Variants in ASIC2 observed in about 807,000 individuals in gnomAD.
ASIC2 encodes acid-sensing ion channel 2.
In ASIC2, 25 loss-of-function variants were observed where a neutral mutation model predicts 57.3. The observed-to-expected ratio is 0.44, with a 90% CI of 0.32 to 0.61. The LOEUF (loss-of-function observed/expected upper bound fraction) is 0.61. Among genes scored for constraint, ASIC2 ranks in the 20% least tolerant of loss-of-function variants. ASIC2 has a pLI of 0.06. For missense variants in ASIC2, 641 were observed against 738.1 expected (o/e 0.87, Z 1.52); for synonymous variants, 319 against 307.5 (o/e 1.04, Z -0.39).
intron 1 of ASIC2, among the ~76,000 whole-genome samples, chr17:33,259,631 G>A (rs182049632): frequency 1.3e-5 from 2 of 152,244 alleles, no homozygotes; most frequent in East Asian, 3.9e-4. Context: ...AGAGGAGAGA[G>A]TGACAGCCTG....
Position 33,122,411 on chromosome 17 carries a change from A to G in ASIC2, c.709-10344T>C, listed in dbSNP as rs528173886. The stretch of plus-strand genomic sequence containing the variant: ...ACTCACTTGATAAAACTAGCTAATA[A>G]TATTATTATTAATAGGGATTCTGCA... On this transcript the variant is annotated intron_variant, in intron 1 of 9. Transcript: ENST00000225823. Among the ~76,000 whole-genome samples, 4 of 152,236 alleles carry G rather than the reference A, an allele frequency of 2.6e-5. No homozygotes were observed. The East Asian group carries it at 5.8e-4, about 22-fold the overall frequency.
intron 1 of ASIC2, among the ~76,000 whole-genome samples, chr17:34,112,322 A>T (rs1911300940): frequency 6.6e-6 from 1 of 152,178 alleles, no homozygotes; most frequent in African/African-American, 2.4e-5. Context: ...TACTGAACTC[A>T]TCATAATAAA....
intron 1 of ASIC2, among the ~76,000 whole-genome samples, chr17:33,186,742 C>T (rs1906213104): frequency 6.6e-6 from 1 of 152,156 alleles, no homozygotes; most frequent in Non-Finnish European, 1.5e-5. Context: ...TACAACTACA[C>T]AAGAAGTTGC....
At chr17:33,083,294 G>T (rs2092120611) in intron 3 of ASIC2, among the ~76,000 whole-genome samples, 1 of 152,098 alleles carries the variant, frequency 6.6e-6, no homozygotes, top group African/African-American at 2.4e-5. Context: ...GCAAAAGAAG[G>T]CAGTTCTGGA....
chr17:33,045,326 G>C (rs1028467416), intron 3 of ASIC2, among the ~76,000 whole-genome samples: 1 of 152,180 alleles, frequency 6.6e-6, no homozygotes, highest in Admixed American at 6.5e-5. Context: ...GCATGCCGAC[G>C]CACCATTATA....
chr17:33,830,197 T>C (rs968546880), intron 1 of ASIC2, among the ~76,000 whole-genome samples: 2 of 152,156 alleles, frequency 1.3e-5, no homozygotes, highest in African/African-American at 4.8e-5. Context: ...TACAGCACAA[T>C]GGTTTGTCCA....
At chr17:33,276,513 A>G (rs950939630) in intron 1 of ASIC2, among the ~76,000 whole-genome samples, 1 of 152,250 alleles carries the variant, frequency 6.6e-6, no homozygotes, top group Admixed American at 6.5e-5. Flanking sequence ...TGATCAAGCC[A>G]GAGGCTCTCC....
chr17:33,985,466 C>T (rs1249841598), intron 1 of ASIC2, among the ~76,000 whole-genome samples: 1 of 152,142 alleles, frequency 6.6e-6, no homozygotes, highest in East Asian at 1.9e-4. Flanking sequence ...TGCAACCGGT[C>T]TACAGGCCAT....
At chr17:33,958,246 C>A (rs1237545199) in intron 1 of ASIC2, among the ~76,000 whole-genome samples, 2 of 152,170 alleles carry the variant, frequency 1.3e-5, no homozygotes, top group Non-Finnish European at 2.9e-5. Context: ...GTGGATCGAC[C>A]ATTCTGGAGG....
chr17:33,933,814 C>A (rs907604783), intron 1 of ASIC2, among the ~76,000 whole-genome samples: 2 of 152,330 alleles, frequency 1.3e-5, no homozygotes, highest in Admixed American at 1.3e-4. Context: ...TGGGGCCAAC[C>A]TAGACAGGCT....
intron 1 of ASIC2, among the ~76,000 whole-genome samples, chr17:33,166,509 C>A (rs928056619): frequency 2.6e-5 from 4 of 152,184 alleles, no homozygotes; most frequent in African/African-American, 9.7e-5. Context: ...TTTGGTCCCA[C>A]CTTGTTTCTG....
intron 1 of ASIC2, among the ~76,000 whole-genome samples, chr17:33,232,177 A>C (rs777555245): frequency 6.6e-6 from 1 of 152,118 alleles, no homozygotes; most frequent in Non-Finnish European, 1.5e-5. Flanking sequence ...TCGTGATAGG[A>C]TTAGTTTCTT....
intron 1 of ASIC2, chr17:34,038,200 G>C (rs1014893577): frequency 1.2e-6 from 2 of 1,612,192 alleles, no homozygotes; most frequent in East Asian, 2.2e-5. Flanking sequence ...TTTCATTTAA[G>C]TACTTTAAAG....
At chr17:33,504,135 A>C (rs1164236469) in intron 1 of ASIC2, among the ~76,000 whole-genome samples, 1 of 152,212 alleles carries the variant, frequency 6.6e-6, no homozygotes, top group African/African-American at 2.4e-5. Flanking sequence ...TTTGACATCC[A>C]TCTTTCCAGT....
intron 1 of ASIC2, among the ~76,000 whole-genome samples, chr17:34,102,634 T>C (rs1241505884): frequency 6.6e-6 from 1 of 152,166 alleles, no homozygotes; most frequent in African/African-American, 2.4e-5. Context: ...TTTACCCATG[T>C]TATTCCATGT....
intron 1 of ASIC2, among the ~76,000 whole-genome samples, chr17:33,799,438 CTTTCTTTCTTTCTTTCT>C (rs1567719098): frequency 2.9e-3 from 133 of 46,096 alleles, no homozygotes; most frequent in African/African-American, 8.5e-3. Context: ...TTCTTTCTTT[CTTTCTTTCTTTCTTTCT>C]TTCTTTCTTT....
chr17:33,704,309 C>T (rs1461899187), intron 1 of ASIC2, among the ~76,000 whole-genome samples: 1 of 152,186 alleles, frequency 6.6e-6, no homozygotes, highest in East Asian at 1.9e-4. Flanking sequence ...GGTATAGGAA[C>T]AAGCATGTAT....
intron 1 of ASIC2, among the ~76,000 whole-genome samples, chr17:34,064,676 C>G (rs1461508812): frequency 6.6e-6 from 1 of 151,706 alleles, no homozygotes; most frequent in African/African-American, 2.4e-5. Flanking sequence ...TCAAACAAAT[C>G]AATAAGAAAA....
chr17:33,717,147 C>T (rs1487966362), intron 1 of ASIC2, among the ~76,000 whole-genome samples: 1 of 152,176 alleles, frequency 6.6e-6, no homozygotes, highest in Non-Finnish European at 1.5e-5. Context: ...CTCATTCACA[C>T]TTCAAAAAAT....
Sources: allele counts gnomAD v4.1 joint callset (sites outside exome capture counted in the v4.1 genomes callset), GRCh38; gene constraint gnomAD v4.1.1; transcripts MANE v1.5; gene names NCBI Gene and HGNC (gene_info 2026-07-23, HGNC 2026-07-21).